Variants in RIPK1 observed in about 807,000 individuals in gnomAD.
RIPK1 encodes the protein receptor interacting serine/threonine kinase 1.
Under a neutral mutation model 62.4 loss-of-function variants are expected in RIPK1, and 27 were observed. That is an observed-to-expected ratio of 0.43 (90% CI 0.32 to 0.60). RIPK1 has a LOEUF of 0.60. Ranked by LOEUF, RIPK1 falls within the 20% of genes least tolerant of loss-of-function variation. The pLI is 0.07. For missense variants in RIPK1, 735 were observed against 831.0 expected, an observed-to-expected ratio of 0.88 and a Z score of 1.42; for synonymous variants, 287 against 303.2, an observed-to-expected ratio of 0.95 and a Z score of 0.55.
intron 1 of RIPK1, among the ~76,000 whole-genome samples, chr6:3,075,481 G>T (rs929950646): frequency 6.6e-6 from 1 of 152,278 alleles, no homozygotes; most frequent in Admixed American, 6.5e-5. Context: ...ATATTCTTCA[G>T]ATTCCTTCTT....
chr6:3,077,722 C>T, intron 2 of RIPK1, 57 bp from the exon 3 acceptor site: 1 of 1,590,894 alleles, frequency 6.3e-7, no homozygotes, highest in Non-Finnish European at 8.6e-7. Context: ...AGGTGTGCAC[C>T]AGGCTCTTGA....
At chr6:3,095,685 G>C (rs1002664511) in intron 7 of RIPK1, among the ~76,000 whole-genome samples, 10 of 152,126 alleles carry the variant, frequency 6.6e-5, no homozygotes, top group African/African-American at 1.9e-4. Flanking sequence ...ATGAGAAAAA[G>C]ATATATCTTT....
chr6:3,070,178 C>T (rs772609505), intron 1 of RIPK1, among the ~76,000 whole-genome samples: 21 of 152,096 alleles, frequency 1.4e-4, no homozygotes, highest in Non-Finnish European at 2.9e-4. Flanking sequence ...TATACTGAGC[C>T]TCAGAGATAT....
chr6:3,100,982 TAAC>T (rs1467166059), intron 7 of RIPK1, among the ~76,000 whole-genome samples: 1 of 152,192 alleles, frequency 6.6e-6, no homozygotes, highest in Non-Finnish European at 1.5e-5. Context: ...AAAATTAAAA[TAAC>T]AAAAATACTT....
rs72843314 is a variant in RIPK1, at chr6:3,107,629, C to T, written c.1576+1578C>T. Among the ~76,000 whole-genome samples the T allele has an allele frequency of 3.6e-3, 550 of 151,494 alleles. 2 individuals are homozygous for T. Among genetic ancestry groups the T allele is most frequent in the Non-Finnish European group, 6.6e-3 (449 of 67,914 alleles). On this transcript the variant is annotated intron_variant, in intron 9 of 10. Transcript: ENST00000259808. ...ACTTTGTGACGTGCAGTTCTCCAGG[C>T]ACTGGAGCTATAACTGAACAAACAG...
chr6:3,085,159 C>A, intron 5 of RIPK1, 100 bp from the exon 6 acceptor site: 1 of 1,279,132 alleles, frequency 7.8e-7, no homozygotes, highest in Non-Finnish European at 1.1e-6. Context: ...AATGAGGCAG[C>A]TGTACCAGAG....
chr6:3,083,808 T>C (rs1759548315), intron 5 of RIPK1, among the ~76,000 whole-genome samples: 1 of 152,124 alleles, frequency 6.6e-6, no homozygotes, highest in Admixed American at 6.5e-5. Context: ...AAATGCTTCT[T>C]AAATCTGTGT....
In RIPK1 at chr6:3,068,671, C is replaced by G. The variant is rs1318169705; in HGVS notation, c.-61+10C>G. 1.0e-6 allele frequency: 1 copy of G among 985,088 alleles called. No homozygotes were observed. Among genetic ancestry groups the G allele is most frequent in the African/African-American group, 1.7e-5 (1 of 57,210 alleles). The allele number at this position is 985,088 out of a possible 1,614,324, so 61.0% of individuals were successfully genotyped here. ...CACGGAGAAGGGCGCGGTGAGCGGA[C>G]TGGCACCGCGCGGGGAACATTCCGG... On this transcript the variant is annotated intron_variant, in intron 1 of 10. Coordinates refer to ENST00000259808, the MANE Select transcript of RIPK1 (RefSeq NM_001354930.2).
chr6:3,105,920 G>A lies in RIPK1; in HGVS notation c.1445G>A (p.Gly482Glu). 2.5e-6 allele frequency: 4 copies of A among 1,614,090 alleles called. No homozygotes were observed. Among genetic ancestry groups the A allele is most frequent in the Non-Finnish European group, 3.4e-6 (4 of 1,179,994 alleles). ...HGFGTRPLDPGTAGPRVWYRP... is the reference protein window; with the variant it reads ...HGFGTRPLDPETAGPRVWYRP... ...TTTGGAACAAGACCACTGGATCCAGGAACAGCAGGTCCCAGAGTTTGGTAC... is the reference window on the plus strand; with the variant it reads ...TTTGGAACAAGACCACTGGATCCAGAAACAGCAGGTCCCAGAGTTTGGTAC... The change falls in exon 9 of 11, where the codon GGA (glycine) becomes GAA (glutamate). Residue 482 changes from glycine (G) to glutamate (E), a missense_variant. By Grantham distance (98) the Gly-to-Glu change is moderately conservative. Transcript: ENST00000259808. The surrounding 1 kb of genome is among the most constrained non-coding windows in gnomAD (Gnocchi z 4.5).
chr6:3,090,028 C>T (rs1285688867), intron 7 of RIPK1, among the ~76,000 whole-genome samples: 1 of 152,212 alleles, frequency 6.6e-6, no homozygotes, highest in African/African-American at 2.4e-5. Flanking sequence ...AGACATAATG[C>T]TGAGGAAGAA....
chr6:3,110,815 A>T lies in RIPK1; in HGVS notation c.1589A>T (p.Lys530Ile). 1 of 1,576,590 alleles carries T rather than the reference A, an allele frequency of 6.3e-7. No individual in the cohort carries two copies. ...TCTCTCTATGCAGATGAATCTATAA[A>T]ATATACCATATACAATAGTACTGGC... ...SSLPPTDESIKYTIYNSTGIQ... is the reference protein window; with the variant it reads ...SSLPPTDESIIYTIYNSTGIQ... Residue 530 changes from lysine to isoleucine, a missense_variant, in exon 10 of 11, where the codon AAA becomes ATA. This residue lies in a region of RIPK1 where 671 missense variants were observed against 726.2 expected (regional missense o/e 0.92). Coordinates refer to ENST00000259808, the MANE Select transcript of RIPK1 (RefSeq NM_001354930.2).
At chr6:3,089,399 T>A (rs1274725628) in intron 6 of RIPK1, among the ~76,000 whole-genome samples, 182 bp from the exon 7 acceptor site, 1 of 152,246 alleles carries the variant, frequency 6.6e-6, no homozygotes, top group Non-Finnish European at 1.5e-5. Context: ...TGTGTTAGCC[T>A]ATCCCTTGTT....
chr6:3,114,498 T>C lies in RIPK1; in HGVS notation c.*1159T>C, dbSNP rs2113731315. ...TAGGCCGCTCAGTGTCCACTGGCAT[T>C]TTGCTAAACCGACAAGGAAGGCTGT... is the stretch of plus-strand genomic sequence containing the variant. On this transcript the variant is annotated 3_prime_UTR_variant, in exon 11 of 11. Coordinates refer to ENST00000259808, the MANE Select transcript of RIPK1 (RefSeq NM_001354930.2). This position sits in a 1 kb window ranked among gnomAD's most constrained non-coding sequence, Gnocchi z 5.0. The C allele has an allele frequency of 6.6e-6, 1 of 152,256 alleles. No homozygotes were observed. Among genetic ancestry groups the C allele is most frequent in the East Asian group, 1.9e-4 (1 of 5,184 alleles). 9.4% of individuals were successfully genotyped at this position (152,256 alleles called of 1,614,324 possible).
upstream of RIPK1, chr6:3,068,334 G>C: frequency 3.9e-5 from 38 of 985,338 alleles, no homozygotes; most frequent in Non-Finnish European, 4.6e-5. Context: ...TTTTACGTAG[G>C]CCGCCCCACT....
intron 5 of RIPK1, among the ~76,000 whole-genome samples, chr6:3,084,980 G>C (rs1425814039): frequency 6.6e-6 from 1 of 152,202 alleles, no homozygotes; most frequent in Non-Finnish European, 1.5e-5. Flanking sequence ...CCCTGTATTT[G>C]CTTTTGCACA....
At chr6:3,103,299 T>C (rs1235614026) in intron 7 of RIPK1, among the ~76,000 whole-genome samples, 1 of 142,130 alleles carries the variant, frequency 7.0e-6, no homozygotes, top group Non-Finnish European at 1.5e-5. Flanking sequence ...TTATTTTATT[T>C]ATTTATTTTT....
rs1485569653 is a variant in RIPK1, at chr6:3,077,860, C to T, written c.246C>T (p.Ile82=). The T allele has an allele frequency of 2.5e-6, 4 of 1,614,188 alleles. No individual in the cohort carries two copies. The South Asian group carries it at 4.4e-5, about 18-fold the overall frequency. ...HSRVVKLLGV[I]IEEGKYSLVM... ...GGGTGGTGAAGCTCCTGGGCGTCAT[C>T]ATAGAGGAAGGGAAGTACTCCCTGG... Residue 82 remains isoleucine, a synonymous_variant, in exon 3 of 11, where the codon ATC becomes ATT. Transcript: ENST00000259808.
intron 6 of RIPK1, chr6:3,088,797 C>G (rs1348590757): frequency 6.6e-6 from 1 of 152,310 alleles, no homozygotes; most frequent in Non-Finnish European, 1.5e-5. Context: ...TTCAGGATGG[C>G]ATGGCTGTAG....
chr6:3,112,957 T>C, intron 10 of RIPK1, 96 bp from the exon 11 acceptor site: 1 of 1,008,200 alleles, frequency 9.9e-7, no homozygotes, highest in Non-Finnish European at 1.4e-6. Flanking sequence ...TGTCTTCTGG[T>C]ACTCTTCATT....
Sources: gnomAD v4.1 joint callset for allele counts (sites outside exome capture counted in the v4.1 genomes callset) on GRCh38, gnomAD v4.1.1 for gene constraint, gnomAD v4.1.1 regional missense constraint, Gnocchi (gnomAD v3.1) non-coding constraint, MANE v1.5 for transcripts, NCBI Gene and HGNC (gene_info 2026-07-23, HGNC 2026-07-21) for gene names.